Variants in COL24A1 observed in about 807,000 individuals in gnomAD.
COL24A1 encodes the protein collagen alpha-1(XXIV) chain.
COL24A1 carries 224 observed loss-of-function variants against 253.9 expected under a neutral mutation model. That is an observed-to-expected ratio of 0.88 (90% CI 0.79 to 0.99). The LOEUF (loss-of-function observed/expected upper bound fraction) is 0.99, where lower values mean the gene tolerates loss of function less well. COL24A1 is among the 50% of genes least tolerant of loss of function. The pLI is 0.00. For synonymous variants in COL24A1, 685 were observed against 673.7 expected (o/e 1.02, Z -0.26); for missense variants, 2,131 against 2,068.5 (o/e 1.03, Z -0.59).
chr1:85,853,165 C>A (rs945680967), intron 37 of COL24A1, among the ~76,000 whole-genome samples: 3 of 152,190 alleles, frequency 2.0e-5, no homozygotes, highest in Admixed American at 6.6e-5. Context: ...TTGTTCCTTT[C>A]TTTGTGTCCA....
chr1:85,783,856 G>C (rs1669390823), intron 50 of COL24A1, among the ~76,000 whole-genome samples: 1 of 152,108 alleles, frequency 6.6e-6, no homozygotes, highest in South Asian at 2.1e-4. Context: ...CAACATTGCT[G>C]TATGTTTGAA....
chr1:85,998,458 T>C (rs1021270511), intron 19 of COL24A1, among the ~76,000 whole-genome samples: 4 of 152,236 alleles, frequency 2.6e-5, no homozygotes, highest in Non-Finnish European at 4.4e-5. Context: ...CATACTATAC[T>C]GTAATTAAGG....
At chr1:86,072,562 G>A (rs1330442600) in intron 7 of COL24A1, among the ~76,000 whole-genome samples, 1 of 152,166 alleles carries the variant, frequency 6.6e-6, no homozygotes, top group African/African-American at 2.4e-5. Context: ...TGCAGCTTCA[G>A]CAGACTTAAA....
rs1346587703 is a variant in COL24A1 at position 85,760,338 on chromosome 1, C to A, written c.4437+1058G>T. ...GGGATTACAGGTACAAGCCACCATGCCCGGCCGAAAGACATTCTTATTGAT... is the reference window on the plus strand; with the variant it reads ...GGGATTACAGGTACAAGCCACCATGACCGGCCGAAAGACATTCTTATTGAT... On this transcript the variant is annotated intron_variant, in intron 55 of 59. Coordinates refer to ENST00000370571, the MANE Select transcript of COL24A1 (RefSeq NM_152890.7). Among the ~76,000 whole-genome samples, 4 of 152,112 alleles carry A rather than the reference C, an allele frequency of 2.6e-5. No homozygotes were observed. In the South Asian group the frequency reaches 8.3e-4, roughly 32 times the overall value.
At chr1:85,748,820 C>G (rs1665598335) in intron 55 of COL24A1, among the ~76,000 whole-genome samples, 1 of 71,456 alleles carries the variant, frequency 1.4e-5, no homozygotes, top group African/African-American at 4.9e-5. Context: ...TTGCGCTTTT[C>G]AGACCGGCTT....
At chr1:86,058,004 T>C (rs1334409974) in intron 9 of COL24A1, 29 bp from the exon 10 acceptor site, 1 of 1,582,816 alleles carries the variant, frequency 6.3e-7, no homozygotes, top group East Asian at 2.2e-5. Flanking sequence ...ATTGTCATCA[T>C]ACTACAGTAC....
At position 86,017,215 on chromosome 1, in the gene COL24A1, G is replaced by C. The variant is rs746537864; in HGVS notation, c.2257-11C>G. On this transcript the variant is annotated splice_polypyrimidine_tract_variant and intron_variant, in intron 18 of 59. Coordinates refer to ENST00000370571, the MANE Select transcript of COL24A1 (RefSeq NM_152890.7). The stretch of plus-strand genomic sequence containing the variant: ...GTCACCTGTTTGGCCCTAAAATGGG[G>C]GGGGAGGATCAAAGTATAAACATAA... The C allele has an allele frequency of 6.4e-7, 1 of 1,554,394 alleles. No homozygotes were observed. Among genetic ancestry groups the C allele is most frequent in the Admixed American group, 2.2e-5 (1 of 44,464 alleles).
intron 24 of COL24A1, among the ~76,000 whole-genome samples, chr1:85,941,639 G>T (rs1214271490): frequency 5.9e-5 from 9 of 152,040 alleles, no homozygotes; most frequent in African/African-American, 2.2e-4. Flanking sequence ...TTAAAAAAAT[G>T]GAATCCTTTT....
chr1:86,033,798 G>A, intron 13 of COL24A1, 72 bp downstream of exon 13: 1 of 1,263,356 alleles, frequency 7.9e-7, no homozygotes, highest in Non-Finnish European at 1.1e-6. Flanking sequence ...ATGATAATAA[G>A]GACTGTAAGT....
At chr1:85,808,632 C>T (rs1157789098) in intron 47 of COL24A1, among the ~76,000 whole-genome samples, 1 of 152,154 alleles carries the variant, frequency 6.6e-6, no homozygotes, top group Admixed American at 6.5e-5. Context: ...CATTCAGGTC[C>T]ATTAAACTGG....
At chr1:85,906,127 G>T (rs1684791264) in intron 28 of COL24A1, among the ~76,000 whole-genome samples, 1 of 151,740 alleles carries the variant, frequency 6.6e-6, no homozygotes, top group Non-Finnish European at 1.5e-5. Context: ...TTTCAGAAAG[G>T]AAACATTAAT....
chr1:85,968,695 T>C (rs17404261), intron 22 of COL24A1, among the ~76,000 whole-genome samples: 17,491 of 147,958 alleles, frequency 0.12, 1,358 homozygotes, highest in Non-Finnish European at 0.17. Context: ...GTAAGAGCCT[T>C]AATGAGTCAT....
intron 22 of COL24A1, among the ~76,000 whole-genome samples, chr1:85,967,168 T>A (rs1244641111): frequency 6.6e-6 from 1 of 152,078 alleles, no homozygotes; most frequent in East Asian, 1.9e-4. Flanking sequence ...GGTGGGTAGA[T>A]GCAATGTCAG....
chr1:85,886,894 A>G (rs1042415757), intron 32 of COL24A1, among the ~76,000 whole-genome samples: 1 of 152,108 alleles, frequency 6.6e-6, no homozygotes, highest in Admixed American at 6.5e-5. Context: ...CTGCCACTTT[A>G]TTTTGGCTGC....
intron 1 of COL24A1, among the ~76,000 whole-genome samples, chr1:86,150,623 G>C (rs552959275): frequency 1.1e-3 from 169 of 152,192 alleles, no homozygotes; most frequent in African/African-American, 4.0e-3. Flanking sequence ...GGGTACAACA[G>C]AGAAAGGATG....
chr1:85,808,347 T>C (rs1055134788), intron 47 of COL24A1, among the ~76,000 whole-genome samples: 1 of 152,146 alleles, frequency 6.6e-6, no homozygotes, highest in African/African-American at 2.4e-5. Flanking sequence ...CTTAACGGGT[T>C]GGGGGATGAT....
At chr1:86,092,405 T>TTA (rs1703566596) in intron 5 of COL24A1, 85 bp from the exon 6 acceptor site, 1 of 875,246 alleles carries the variant, frequency 1.1e-6, no homozygotes, top group Admixed American at 2.2e-5. Context: ...TTACCAGATG[T>TTA]TATATACATT....
intron 32 of COL24A1, among the ~76,000 whole-genome samples, chr1:85,881,763 C>T (rs1395067741): frequency 1.3e-5 from 2 of 151,946 alleles, no homozygotes; most frequent in African/African-American, 2.4e-5. Context: ...TTTTTTTCCC[C>T]TTGGTTAGCC....
chr1:85,789,774 T>C (rs1670072533), intron 47 of COL24A1, among the ~76,000 whole-genome samples: 1 of 152,170 alleles, frequency 6.6e-6, no homozygotes, highest in African/African-American at 2.4e-5. Context: ...ATGTTGAATT[T>C]TATTGAAGGC....
Sources: gnomAD v4.1 joint callset for allele counts (sites outside exome capture counted in the v4.1 genomes callset) on GRCh38, gnomAD v4.1.1 for gene constraint, MANE v1.5 for transcripts, NCBI Gene and HGNC (gene_info 2026-07-23, HGNC 2026-07-21) for gene names.